The following STK38L variants were observed in gnomAD, a reference collection of about 807,000 sequenced individuals.
STK38L encodes serine/threonine kinase 38 like.
STK38L carries 28 observed loss-of-function variants against 59.7 expected under a neutral mutation model. That is an observed-to-expected ratio of 0.47 (90% CI 0.35 to 0.64). STK38L has a LOEUF of 0.64. STK38L is among the 30% of genes least tolerant of loss of function. STK38L has a pLI of 0.01. For missense variants in STK38L, 314 were observed against 555.8 expected (o/e 0.56, Z 4.37); for synonymous variants, 162 against 176.8 (o/e 0.92, Z 0.66).
At chr12:27,257,902 T>C (rs1943122960) in intron 1 of STK38L, among the ~76,000 whole-genome samples, 1 of 151,580 alleles carries the variant, frequency 6.6e-6, no homozygotes, top group Non-Finnish European at 1.5e-5. Context: ...TGCTGTGTTG[T>C]CCAGGCTGGA....
chr12:27,279,938 G>T (rs933873410), intron 1 of STK38L, among the ~76,000 whole-genome samples: 1 of 152,088 alleles, frequency 6.6e-6, no homozygotes, highest in African/African-American at 2.4e-5. Flanking sequence ...CCAATTACTG[G>T]CTGTAGGTCT....
chr12:27,306,833 C>T (rs1347749372), intron 3 of STK38L, among the ~76,000 whole-genome samples: 3 of 152,012 alleles, frequency 2.0e-5, no homozygotes, highest in Admixed American at 6.6e-5. Context: ...CTCTGCCTCC[C>T]GGGTTCAAGT....
rs1016351572 is a variant in STK38L, at chr12:27,325,142, T to A, written c.*2687T>A. On this transcript the variant is annotated 3_prime_UTR_variant, in exon 14 of 14. Coordinates refer to ENST00000389032, the MANE Select transcript of STK38L (RefSeq NM_015000.4). ...CATTTATTACTAACATAGCTTTAAA[T>A]CTTTAAATGTATTGAAGCATTGTGC... 6.6e-6 allele frequency: 1 copy of A among 152,148 alleles called. No homozygotes were observed. Among genetic ancestry groups the A allele is most frequent in the Non-Finnish European group, 1.5e-5 (1 of 67,974 alleles). The allele number at this position is 152,148 out of a possible 1,614,324, so 9.4% of individuals were successfully genotyped here.
chr12:27,277,910 G>C (rs1412425760), intron 1 of STK38L, among the ~76,000 whole-genome samples: 1 of 152,142 alleles, frequency 6.6e-6, no homozygotes, highest in Non-Finnish European at 1.5e-5. Flanking sequence ...TTACATACTA[G>C]GTCTTCCAAG....
intron 1 of STK38L, among the ~76,000 whole-genome samples, chr12:27,281,363 GCGT>G (rs1943653478): frequency 2.7e-4 from 1 of 3,642 alleles, no homozygotes; most frequent in Non-Finnish European, 1.2e-3. Flanking sequence ...GGGATTACAG[GCGT>G]GAGCCACCGC....
At chr12:27,303,296 C>G (rs1944225938) in intron 3 of STK38L, among the ~76,000 whole-genome samples, 1 of 151,860 alleles carries the variant, frequency 6.6e-6, no homozygotes, top group African/African-American at 2.4e-5. Context: ...GGAGGATCAC[C>G]TGAGCCTGAG....
At chr12:27,291,487 C>T (rs902448311) in intron 1 of STK38L, among the ~76,000 whole-genome samples, 2 of 152,188 alleles carry the variant, frequency 1.3e-5, no homozygotes, top group Non-Finnish European at 2.9e-5. Flanking sequence ...CATGAACTCC[C>T]TAAGGGCCGG....
chr12:27,320,442 ATTTTTTTTTT>A (rs34281958), intron 12 of STK38L, among the ~76,000 whole-genome samples: 1 of 91,902 alleles, frequency 1.1e-5, no homozygotes, highest in Non-Finnish European at 2.0e-5. Context: ...AATTTTGTTG[ATTTTTTTTTT>A]TTTTTTTTTT....
At chr12:27,270,090 G>T (rs1238005258) in intron 1 of STK38L, among the ~76,000 whole-genome samples, 1 of 152,164 alleles carries the variant, frequency 6.6e-6, no homozygotes, top group Admixed American at 6.5e-5. Context: ...CTCTCCGAAT[G>T]TACTGGGATT....
chr12:27,278,284 G>A (rs1157067561), intron 1 of STK38L, among the ~76,000 whole-genome samples: 1 of 152,138 alleles, frequency 6.6e-6, no homozygotes, highest in Non-Finnish European at 1.5e-5. Context: ...TTACCACCAG[G>A]CATTTAGTTA....
intron 1 of STK38L, among the ~76,000 whole-genome samples, chr12:27,246,298 C>T (rs558575455): frequency 6.6e-6 from 1 of 150,436 alleles, no homozygotes; most frequent in East Asian, 2.0e-4. Flanking sequence ...AAGTGCCTCC[C>T]CAGTGATCCA....
Position 27,287,271 on chromosome 12 carries a change from AT to A in STK38L, c.-11-10431del, listed in dbSNP as rs560080921. On this transcript the variant is annotated intron_variant, in intron 1 of 13. Transcript: ENST00000389032. ...CAGGCGCATGCCTCATGCCTGGCTAATTTTTTTTGTATTTTTAGTAGAGACA... is the reference window on the plus strand; with the variant it reads ...CAGGCGCATGCCTCATGCCTGGCTAATTTTTTTGTATTTTTAGTAGAGACA... 8.3e-4 allele frequency among the ~76,000 whole-genome samples: 126 copies of A among 151,396 alleles called. 1 individual carries two copies. Among genetic ancestry groups the A allele is most frequent in the Non-Finnish European group, 1.3e-3 (91 of 67,824 alleles).
chr12:27,322,426 C>G lies in STK38L; in HGVS notation c.1366C>G (p.Pro456Ala). 1 of 1,613,612 alleles carries G rather than the reference C, an allele frequency of 6.2e-7. No individual in the cohort carries two copies. Among genetic ancestry groups the G allele is most frequent in the Non-Finnish European group, 8.5e-7 (1 of 1,179,826 alleles). ...FEGLTQRGSI[P>A]TYMKAGKL Reference sequence around the variant, plus strand: ...AGGGTTGACTCAACGTGGCTCTATCCCCACCTACATGAAAGCTGGGAAGTT... The same window carrying G: ...AGGGTTGACTCAACGTGGCTCTATCGCCACCTACATGAAAGCTGGGAAGTT... Residue 456 changes from proline (P) to alanine (A), a missense_variant, in exon 14 of 14, where the codon CCC becomes GCC. By Grantham distance (27) the Pro-to-Ala change is conservative (BLOSUM62 -1). Transcript: ENST00000389032.
At chr12:27,247,297 C>T (rs957793167) in intron 1 of STK38L, among the ~76,000 whole-genome samples, 6 of 152,148 alleles carry the variant, frequency 3.9e-5, no homozygotes, top group African/African-American at 1.4e-4. Context: ...GGATTCTGAC[C>T]CAGGCATTCT....
chr12:27,320,464 T>TTG (rs1944700001), intron 12 of STK38L, among the ~76,000 whole-genome samples: 1 of 136,048 alleles, frequency 7.4e-6, no homozygotes, highest in Non-Finnish European at 1.7e-5. Context: ...TTTTTTTTTT[T>TTG]GTAGAGATGG....
chr12:27,296,011 G>T (rs754797989), intron 1 of STK38L, among the ~76,000 whole-genome samples: 2 of 152,166 alleles, frequency 1.3e-5, no homozygotes, highest in Non-Finnish European at 2.9e-5. Flanking sequence ...CAACAGATAA[G>T]GATAGCAAGT....
At chr12:27,316,065 G>C (rs745337870) in intron 9 of STK38L, among the ~76,000 whole-genome samples, 1 of 152,068 alleles carries the variant, frequency 6.6e-6, no homozygotes, top group Non-Finnish European at 1.5e-5. Context: ...ATAAATACTT[G>C]TTCAACCAAA....
In STK38L at chr12:27,325,834, G is replaced by T. The variant is rs569416739; in HGVS notation, c.*3379G>T. 1.1e-4 allele frequency: 16 copies of T among 152,178 alleles called. No homozygotes were observed. The highest frequency in any genetic ancestry group is 3.9e-4 in the African/African-American group (16 of 41,524). The allele number at this position is 152,178 out of a possible 1,614,324, so 9.4% of individuals were successfully genotyped here. On this transcript the variant is annotated 3_prime_UTR_variant, in exon 14 of 14. Transcript: ENST00000389032. The stretch of plus-strand genomic sequence containing the variant: ...TTTAAAGCAATATAATTCAGCAATT[G>T]TCTAGAAAAGTAATCATGAGGCTAC...
intron 1 of STK38L, among the ~76,000 whole-genome samples, chr12:27,282,698 C>A (rs1255428039): frequency 1.3e-5 from 2 of 152,166 alleles, no homozygotes; most frequent in South Asian, 4.1e-4. Flanking sequence ...TCAACAATTG[C>A]ACATCTGGAA....
Sources: gnomAD v4.1 joint callset for allele counts (sites outside exome capture counted in the v4.1 genomes callset) on GRCh38, gnomAD v4.1.1 for gene constraint, MANE v1.5 for transcripts, NCBI Gene and HGNC (gene_info 2026-07-23, HGNC 2026-07-21) for gene names.